Variants in DIAPH2 observed in about 807,000 individuals in gnomAD.
The protein encoded by DIAPH2 is diaphanous related formin 2.
Under a neutral mutation model 92.7 loss-of-function variants are expected in DIAPH2, and 35 were observed. That is an observed-to-expected ratio of 0.38 (90% CI 0.29 to 0.50). The LOEUF (loss-of-function observed/expected upper bound fraction) is 0.50, where lower values mean the gene tolerates loss of function less well. DIAPH2 is among the 20% of genes least tolerant of loss of function. The pLI is 0.94. For synonymous variants in DIAPH2, 301 were observed against 280.4 expected, an observed-to-expected ratio of 1.07 and a Z score of -0.73; for missense variants, 701 against 819.5, an observed-to-expected ratio of 0.86 and a Z score of 1.77.
At position 97,298,425 on chromosome X, in the gene DIAPH2, G is replaced by GA. The variant is rs755694449; in HGVS notation, c.2845-49682dup. 1.9e-4 allele frequency among the ~76,000 whole-genome samples: 19 copies of GA among 102,637 alleles called. 1 individual carries two copies. Among genetic ancestry groups the GA allele is most frequent in the East Asian group, 1.5e-3 (5 of 3,272 alleles). 89.1% of individuals were successfully genotyped at this position (102,637 alleles called of 115,157 possible). A position where few individuals can be genotyped will look rare whatever the true frequency, so the allele number is the denominator to read the frequency against. On this transcript the variant is annotated intron_variant, in intron 23 of 26. Transcript: ENST00000324765. ...CAGCTTATCTAATGCTACTTAAATT[G>GA]AAAAAAAAATGAGAGTTCCATGATA...
chrX:96,917,476 A>G (rs941651183), intron 8 of DIAPH2, among the ~76,000 whole-genome samples: 1 of 111,749 alleles, frequency 8.9e-6, no homozygotes, highest in African/African-American at 3.2e-5. Flanking sequence ...ATGAGATAAC[A>G]TATGTAAAAG....
intron 4 of DIAPH2, among the ~76,000 whole-genome samples, chrX:96,830,315 T>C (rs1313232035): frequency 1.8e-5 from 2 of 110,833 alleles, no homozygotes; most frequent in African/African-American, 6.6e-5. Flanking sequence ...CTCACGCCTG[T>C]AATCCCAGCA....
intron 17 of DIAPH2, among the ~76,000 whole-genome samples, chrX:97,018,841 C>T (rs2066277803): frequency 9.0e-6 from 1 of 111,659 alleles, no homozygotes; most frequent in Non-Finnish European, 1.9e-5. Context: ...CATCATGTAT[C>T]TACCATTTTA....
At chrX:96,713,626 C>T (rs2063932264) in intron 1 of DIAPH2, among the ~76,000 whole-genome samples, 1 of 111,979 alleles carries the variant, frequency 8.9e-6, no homozygotes, top group Admixed American at 9.5e-5. Flanking sequence ...TAAAAATCCT[C>T]TATTCACCAC....
At chrX:97,451,642 A>C (rs966312222) in intron 26 of DIAPH2, among the ~76,000 whole-genome samples, 1 of 111,782 alleles carries the variant, frequency 8.9e-6, no homozygotes, top group Non-Finnish European at 1.9e-5. Context: ...GTAAGCAATG[A>C]TTTATGGGGT....
chrX:97,010,438 C>T (rs935577997), intron 17 of DIAPH2, among the ~76,000 whole-genome samples: 6 of 111,456 alleles, frequency 5.4e-5, no homozygotes, highest in Non-Finnish European at 1.1e-4. Flanking sequence ...AAACCAGGTA[C>T]TATGATAGCT....
chrX:97,216,455 C>T (rs1049175606), intron 22 of DIAPH2, among the ~76,000 whole-genome samples: 1 of 108,736 alleles, frequency 9.2e-6, no homozygotes, highest in Non-Finnish European at 1.9e-5. Flanking sequence ...GAGATGTGCA[C>T]CACCATGCCT....
At chrX:97,472,924 C>G (rs767852184) in intron 26 of DIAPH2, among the ~76,000 whole-genome samples, 1 of 112,064 alleles carries the variant, frequency 8.9e-6, no homozygotes, top group Non-Finnish European at 1.9e-5. Context: ...ATTCACATTT[C>G]TCTATCCTGG....
intron 26 of DIAPH2, among the ~76,000 whole-genome samples, chrX:97,547,086 G>A (rs1251218101): frequency 9.0e-6 from 1 of 111,554 alleles, no homozygotes; most frequent in Non-Finnish European, 1.9e-5. Flanking sequence ...GAATATGGAT[G>A]CAGCTCATGT....
rs191031321 is a variant in DIAPH2, at chrX:97,401,956, A to G, written c.3145+17912A>G. ...TAGAACTGAGTCATGACATTGCTGTACATTTGCAAATGAGAGGCTTGTCCT... is the reference window on the plus strand; with the variant it reads ...TAGAACTGAGTCATGACATTGCTGTGCATTTGCAAATGAGAGGCTTGTCCT... On this transcript the variant is annotated intron_variant, in intron 25 of 26. Transcript: ENST00000324765. 8.9e-5 allele frequency among the ~76,000 whole-genome samples: 10 copies of G among 112,672 alleles called. No homozygotes were observed. In the Admixed American group the frequency reaches 9.4e-4, roughly 11 times the overall value.
At chrX:96,951,200 G>C (rs1211816239) in intron 15 of DIAPH2, among the ~76,000 whole-genome samples, 1 of 111,489 alleles carries the variant, frequency 9.0e-6, no homozygotes. Context: ...ATAGAGCTTA[G>C]TTGAGAAATG....
chrX:97,506,113 C>T (rs1054858379), intron 26 of DIAPH2, among the ~76,000 whole-genome samples: 14 of 91,838 alleles, frequency 1.5e-4, no homozygotes, highest in Admixed American at 2.6e-4. Context: ...TGATTTTCAG[C>T]ATAATGTTTC....
chrX:96,790,073 G>GTT (rs1369966539), intron 4 of DIAPH2, among the ~76,000 whole-genome samples: 2 of 99,679 alleles, frequency 2.0e-5, no homozygotes, highest in South Asian at 4.5e-4. Flanking sequence ...TTTGTTTTTT[G>GTT]TTTTTTTTTT....
intron 17 of DIAPH2, among the ~76,000 whole-genome samples, chrX:97,047,542 CTTTTTTTTTTTTTTT>C (rs5903064): frequency 1.3e-4 from 4 of 30,100 alleles, no homozygotes; most frequent in African/African-American, 3.1e-4. Flanking sequence ...ATAAAATAGG[CTTTTTTTTTTTTTTT>C]TTTTTTTTTT....
intron 4 of DIAPH2, among the ~76,000 whole-genome samples, chrX:96,772,544 T>G (rs2064346118): frequency 2.7e-5 from 3 of 112,333 alleles, no homozygotes; most frequent in Admixed American, 1.9e-4. Context: ...GTTTATATGC[T>G]TGTATGAAAT....
intron 14 of DIAPH2, among the ~76,000 whole-genome samples, chrX:96,948,368 G>A (rs1195963954): frequency 8.9e-6 from 1 of 111,742 alleles, no homozygotes; most frequent in Non-Finnish European, 1.9e-5. Flanking sequence ...GAGGTCAGGA[G>A]TTCAAGATCA....
At chrX:96,765,149 G>A (rs2064293759) in intron 4 of DIAPH2, among the ~76,000 whole-genome samples, 1 of 108,454 alleles carries the variant, frequency 9.2e-6, no homozygotes, top group Non-Finnish European at 1.9e-5. Context: ...TACCTGAGGT[G>A]CAGCACAATA....
intron 26 of DIAPH2, among the ~76,000 whole-genome samples, chrX:97,516,862 G>A (rs1444181296): frequency 2.7e-5 from 3 of 112,149 alleles, no homozygotes; most frequent in Admixed American, 9.4e-5. Flanking sequence ...ACAGGCATGC[G>A]CCACTGTATC....
intron 4 of DIAPH2, among the ~76,000 whole-genome samples, chrX:96,864,418 G>T (rs984834569): frequency 1.8e-4 from 20 of 110,056 alleles, no homozygotes; most frequent in African/African-American, 6.3e-4. Flanking sequence ...TTTCTTTAAC[G>T]GTATTGTAGT....
Sources: allele counts gnomAD v4.1 joint callset (sites outside exome capture counted in the v4.1 genomes callset), GRCh38; gene constraint gnomAD v4.1.1; transcripts MANE v1.5; gene names NCBI Gene and HGNC (gene_info 2026-07-23, HGNC 2026-07-21).